DYM: variants seen among roughly 807,000 people sequenced by gnomAD.
The protein encoded by DYM is dyggve-Melchior-Clausen syndrome protein.
In DYM, 78 loss-of-function variants were observed where a neutral mutation model predicts 93.1. That is an observed-to-expected ratio of 0.84 (90% CI 0.70 to 1.01). The LOEUF is 1.01. DYM is among the 50% of genes least tolerant of loss of function. The pLI, the probability that DYM is intolerant of heterozygous loss-of-function variation, is 0.00. For synonymous variants in DYM, 321 were observed against 319.7 expected (o/e 1.00, Z -0.04); for missense variants, 789 against 845.0 (o/e 0.93, Z 0.82).
intron 15 of DYM, among the ~76,000 whole-genome samples, chr18:49,152,585 A>G (rs1004079958): frequency 6.6e-6 from 1 of 152,222 alleles, no homozygotes; most frequent in Non-Finnish European, 1.5e-5. Flanking sequence ...GGTTCCTCAA[A>G]TAATTAAAAA....
chr18:49,348,167 C>T (rs1435497609), intron 6 of DYM, among the ~76,000 whole-genome samples: 8 of 152,212 alleles, frequency 5.3e-5, no homozygotes, highest in Non-Finnish European at 7.3e-5. Context: ...AAAAAACATC[C>T]TCCTTTTACT....
At chr18:49,425,621 G>A (rs1223544103) in intron 2 of DYM, among the ~76,000 whole-genome samples, 1 of 152,134 alleles carries the variant, frequency 6.6e-6, no homozygotes, top group African/African-American at 2.4e-5. Context: ...TACAGAATGG[G>A]AGAAAATTTT....
intron 8 of DYM, among the ~76,000 whole-genome samples, chr18:49,317,589 CTCTCTCT>C (rs1568235853): frequency 8.1e-4 from 9 of 11,110 alleles, no homozygotes; most frequent in East Asian, 4.5e-3. Flanking sequence ...CTCTCTCTCT[CTCTCTCT>C]CCCCCCTCCC....
chr18:49,385,453 C>G (rs1370098061), intron 3 of DYM, among the ~76,000 whole-genome samples: 3 of 152,048 alleles, frequency 2.0e-5, no homozygotes, highest in African/African-American at 7.2e-5. Context: ...CCCAGCACTT[C>G]GAAGGCCAAG....
chr18:49,119,835 C>A (rs1022739843), intron 15 of DYM, among the ~76,000 whole-genome samples: 12 of 151,742 alleles, frequency 7.9e-5, no homozygotes, highest in African/African-American at 2.7e-4. Flanking sequence ...TGCCTGTAAT[C>A]CCAGCACTTT....
At chr18:49,310,840 G>A (rs1231321673) in intron 8 of DYM, among the ~76,000 whole-genome samples, 1 of 151,962 alleles carries the variant, frequency 6.6e-6, no homozygotes, top group Non-Finnish European at 1.5e-5. Flanking sequence ...TTGTTCAATT[G>A]AAACAATAAG....
chr18:49,270,312 A>G (rs1478333084), intron 11 of DYM, among the ~76,000 whole-genome samples: 1 of 152,238 alleles, frequency 6.6e-6, no homozygotes, highest in African/African-American at 2.4e-5. Context: ...AGAGGAGATT[A>G]TTCTAAGTGA....
At chr18:49,423,974 A>T (rs1023508208) in intron 2 of DYM, among the ~76,000 whole-genome samples, 2 of 152,212 alleles carry the variant, frequency 1.3e-5, no homozygotes, top group African/African-American at 4.8e-5. Context: ...AGGTACAAAG[A>T]GGAGCTGGTA....
chr18:49,427,410 G>A (rs1490513663), intron 2 of DYM, among the ~76,000 whole-genome samples: 1 of 152,104 alleles, frequency 6.6e-6, no homozygotes, highest in African/African-American at 2.4e-5. Flanking sequence ...GACATTTAAG[G>A]ACAAGAACCA....
chr18:49,152,036 G>A (rs1329435063), intron 15 of DYM, among the ~76,000 whole-genome samples: 1 of 152,164 alleles, frequency 6.6e-6, no homozygotes, highest in Admixed American at 6.5e-5. Context: ...CGTTACTACT[G>A]AATATGCATG....
intron 2 of DYM, among the ~76,000 whole-genome samples, chr18:49,393,242 G>T (rs960836433): frequency 6.6e-6 from 1 of 152,062 alleles, no homozygotes; most frequent in African/African-American, 2.4e-5. Context: ...GTAAAATGAT[G>T]CAGCCACTAT....
intron 13 of DYM, among the ~76,000 whole-genome samples, chr18:49,242,770 G>C (rs186906786): frequency 6.6e-6 from 1 of 152,140 alleles, no homozygotes; most frequent in Non-Finnish European, 1.5e-5. Flanking sequence ...CGCCATCTTG[G>C]CTCACTGCAA....
intron 14 of DYM, among the ~76,000 whole-genome samples, chr18:49,174,223 A>G (rs1843382590): frequency 6.2e-5 from 1 of 16,102 alleles, no homozygotes; most frequent in African/African-American, 2.1e-4. Context: ...ATCTTTTTCT[A>G]TGATGATGAT....
chr18:49,440,041 TAA>T (rs1269813396), intron 1 of DYM, among the ~76,000 whole-genome samples: 1 of 123,520 alleles, frequency 8.1e-6, no homozygotes, highest in Non-Finnish European at 1.7e-5. Context: ...AATAAATAAA[TAA>T]ATAAATAAAT....
At chr18:49,120,078 CAAAAAAAA>C (rs71165367) in intron 15 of DYM, among the ~76,000 whole-genome samples, 6 of 56,182 alleles carry the variant, frequency 1.1e-4, no homozygotes, top group Non-Finnish European at 2.3e-4. Context: ...GATCCTGTCT[CAAAAAAAA>C]AAAAAAAAAG....
intron 13 of DYM, among the ~76,000 whole-genome samples, chr18:49,214,207 A>T (rs2092925352): frequency 6.6e-6 from 1 of 152,234 alleles, no homozygotes; most frequent in Admixed American, 6.5e-5. Context: ...GCAGTAGGTG[A>T]GTGGCAGTTG....
chr18:49,354,350 G>T (rs543167168), intron 6 of DYM, among the ~76,000 whole-genome samples: 34 of 152,130 alleles, frequency 2.2e-4, no homozygotes, highest in African/African-American at 7.9e-4. Context: ...ATCCATGAAA[G>T]AAATTATTGA....
intron 14 of DYM, among the ~76,000 whole-genome samples, chr18:49,202,409 C>A (rs372147085): frequency 0.096 from 14,278 of 148,662 alleles, 925 homozygotes; most frequent in East Asian, 0.29. Context: ...TCTGCCCGGC[C>A]GCCACCCCGT....
intron 2 of DYM, among the ~76,000 whole-genome samples, chr18:49,417,323 A>AT (rs2073110179): frequency 6.6e-6 from 1 of 151,490 alleles, no homozygotes; most frequent in Non-Finnish European, 1.5e-5. Context: ...TAATTTTTTT[A>AT]TTTTTTGTAG....
Sources: allele counts gnomAD v4.1 joint callset (sites outside exome capture counted in the v4.1 genomes callset), GRCh38; gene constraint gnomAD v4.1.1; transcripts MANE v1.5; gene names NCBI Gene and HGNC (gene_info 2026-07-23, HGNC 2026-07-21).